The following AFTPH variants were observed in gnomAD, a reference collection of about 807,000 sequenced individuals.
AFTPH encodes the protein aftiphilin protein.
In AFTPH, 7 loss-of-function variants were observed where a neutral mutation model predicts 72.5. The observed-to-expected ratio is 0.10, with a 90% CI of 0.05 to 0.18. The LOEUF is 0.18. Ranked by LOEUF, AFTPH falls within the 10% of genes least tolerant of loss-of-function variation. AFTPH has a pLI of 1.00. For synonymous variants in AFTPH, 337 were observed against 370.1 expected, an observed-to-expected ratio of 0.91 and a Z score of 1.03; for missense variants, 979 against 1,060.5, an observed-to-expected ratio of 0.92 and a Z score of 1.07.
At chr2:64,589,509 G>A (rs566930174) in intron 8 of AFTPH, among the ~76,000 whole-genome samples, 8 of 152,224 alleles carry the variant, frequency 5.3e-5, no homozygotes, top group Admixed American at 2.0e-4. Context: ...CTCCTTAAGT[G>A]TTTGCTTCTT....
At chr2:64,529,728 C>G (rs1025558889) in intron 1 of AFTPH, among the ~76,000 whole-genome samples, 2 of 151,608 alleles carry the variant, frequency 1.3e-5, no homozygotes, top group Non-Finnish European at 2.9e-5. Flanking sequence ...CTCCTGGGCT[C>G]AGGCAGTCTT....
exon 9 of AFTPH, chr2:64,591,893 C>A: frequency 1.2e-6 from 2 of 1,613,170 alleles, no homozygotes. Context: ...AGTAGGAAAC[C>A]GAAAAGAGAA....
chr2:64,582,479 T>C (rs1673266953), intron 7 of AFTPH, among the ~76,000 whole-genome samples: 1 of 152,196 alleles, frequency 6.6e-6, no homozygotes, highest in Admixed American at 6.5e-5. Context: ...GTTTTCAAGA[T>C]TTTGCAAGCA....
exon 9 of AFTPH, chr2:64,592,407 T>C (rs1673881939): frequency 6.4e-6 from 1 of 156,784 alleles, no homozygotes; most frequent in Non-Finnish European, 1.4e-5. Context: ...TCTTTTCAGA[T>C]TGCATTGACT....
At chr2:64,552,274 T>TTTA (rs1329910419) in exon 2 of AFTPH, 1 of 1,613,904 alleles carries the variant, frequency 6.2e-7, no homozygotes, top group Non-Finnish European at 8.5e-7. Flanking sequence ...AACAATAAAA[T>TTTA]TAATAGAGTC....
At chr2:64,588,838 G>C (rs897174482) in intron 8 of AFTPH, among the ~76,000 whole-genome samples, 5 of 152,046 alleles carry the variant, frequency 3.3e-5, no homozygotes, top group Non-Finnish European at 5.9e-5. Context: ...TCCCTCCTCA[G>C]CCTCCCAAAG....
chr2:64,578,400 G>GA (rs910467176), intron 6 of AFTPH, among the ~76,000 whole-genome samples: 4 of 151,930 alleles, frequency 2.6e-5, no homozygotes, highest in Non-Finnish European at 5.9e-5. Flanking sequence ...CAAAAGAAAA[G>GA]AAAAAAACAA....
At chr2:64,586,468 C>A (rs758729815) in intron 8 of AFTPH, among the ~76,000 whole-genome samples, 1 of 152,142 alleles carries the variant, frequency 6.6e-6, no homozygotes, top group Non-Finnish European at 1.5e-5. Flanking sequence ...TTTAAAAAAG[C>A]CTTTTTTATT....
chr2:64,584,012 A>G (rs571017630), intron 7 of AFTPH, among the ~76,000 whole-genome samples: 1 of 152,240 alleles, frequency 6.6e-6, no homozygotes, highest in Non-Finnish European at 1.5e-5. Flanking sequence ...TTATTTATAT[A>G]TAACTTGATC....
chr2:64,584,184 AT>A (rs936642943), intron 7 of AFTPH, among the ~76,000 whole-genome samples: 19 of 148,622 alleles, frequency 1.3e-4, no homozygotes, highest in African/African-American at 1.7e-4. Context: ...AGGATTAAAA[AT>A]TTTTTTTTTT....
intron 1 of AFTPH, among the ~76,000 whole-genome samples, chr2:64,527,963 A>G (rs913629302): frequency 6.6e-6 from 1 of 152,210 alleles, no homozygotes; most frequent in African/African-American, 2.4e-5. Flanking sequence ...GGAGGAAGAA[A>G]GGAGGTGGGG....
intron 6 of AFTPH, among the ~76,000 whole-genome samples, chr2:64,576,203 T>A (rs1380519643): frequency 6.7e-6 from 1 of 148,734 alleles, no homozygotes; most frequent in African/African-American, 2.5e-5. Context: ...ATATAACATA[T>A]ATATATATGT....
chr2:64,525,765 T>C (rs1558585872), intron 1 of AFTPH, among the ~76,000 whole-genome samples: 1 of 152,228 alleles, frequency 6.6e-6, no homozygotes, highest in Non-Finnish European at 1.5e-5. Flanking sequence ...TTATATGCTT[T>C]ACCAGTTTAA....
chr2:64,545,483 T>G (rs1035494987), intron 1 of AFTPH, among the ~76,000 whole-genome samples: 2 of 145,586 alleles, frequency 1.4e-5, no homozygotes, highest in Non-Finnish European at 3.0e-5. Context: ...TTTATAATAG[T>G]AAGATACTGG....
intron 6 of AFTPH, among the ~76,000 whole-genome samples, chr2:64,578,610 A>G (rs1672971058): frequency 6.6e-6 from 1 of 151,164 alleles, no homozygotes; most frequent in East Asian, 1.9e-4. Context: ...GCTAGAGTGC[A>G]GTAGTGGCAC....
At chr2:64,552,844 G>C (rs773240802) in exon 2 of AFTPH, 2 of 1,614,090 alleles carry the variant, frequency 1.2e-6, no homozygotes, top group East Asian at 4.5e-5. Flanking sequence ...GATTCAATGA[G>C]TGATGCCACT....
intron 7 of AFTPH, among the ~76,000 whole-genome samples, chr2:64,582,862 AAAG>A (rs757916863): frequency 3.3e-5 from 5 of 152,238 alleles, no homozygotes; most frequent in Non-Finnish European, 7.3e-5. Flanking sequence ...GTGGCTATAT[AAAG>A]AAGTACAGAA....
intron 8 of AFTPH, among the ~76,000 whole-genome samples, chr2:64,590,433 G>A (rs1673758510): frequency 6.6e-6 from 1 of 152,178 alleles, no homozygotes; most frequent in African/African-American, 2.4e-5. Context: ...CCATACATCT[G>A]GTTGACTCCA....
In AFTPH at chr2:64,569,615, G is replaced by A. The variant is rs749324217; in HGVS notation, c.2215-8G>A. On this transcript the variant is annotated splice_polypyrimidine_tract_variant and splice_region_variant and intron_variant, in intron 4 of 8. Coordinates refer to ENST00000238856, the Ensembl canonical transcript of AFTPH. ...AATATATGTTCTTTCTGTCTAACGT[G>A]TGTGTAGCTCTTCACGGGCAATAAG... 13 of 1,613,242 alleles carry A rather than the reference G, an allele frequency of 8.1e-6. No individual in the cohort carries two copies. The South Asian group carries it at 1.3e-4, about 16-fold the overall frequency.
Sources: allele counts gnomAD v4.1 joint callset (sites outside exome capture counted in the v4.1 genomes callset), GRCh38; gene constraint gnomAD v4.1.1; transcripts MANE v1.5; gene names NCBI Gene and HGNC (gene_info 2026-07-23, HGNC 2026-07-21).